Variants in USP34 observed in about 807,000 individuals in gnomAD.
The protein encoded by USP34 is ubiquitin specific peptidase 34.
Under a neutral mutation model 460.3 loss-of-function variants are expected in USP34, and 70 were observed. The ratio of observed to expected loss-of-function variants is 0.15; its 90% CI spans 0.13 to 0.19. The LOEUF (loss-of-function observed/expected upper bound fraction) is 0.19, where lower values mean the gene tolerates loss of function less well. Ranked by LOEUF, USP34 falls within the 10% of genes least tolerant of loss-of-function variation. USP34 has a pLI of 1.00. For missense variants in USP34, 3,985 were observed against 4,236.2 expected, an observed-to-expected ratio of 0.94 and a Z score of 1.65; for synonymous variants, 1,647 against 1,405.3, an observed-to-expected ratio of 1.17 and a Z score of -3.85.
intron 5 of USP34, among the ~76,000 whole-genome samples, chr2:61,390,663 T>C (rs1380322662): frequency 1.3e-5 from 2 of 152,216 alleles, no homozygotes; most frequent in Non-Finnish European, 1.5e-5. Context: ...GAAACAAATG[T>C]ATGGGCTTGA....
chr2:61,406,082 T>C lies in USP34; in HGVS notation c.178A>G (p.Asn60Asp), dbSNP rs1190998212. Residue 60 changes from asparagine (N) to aspartate (D), a missense_variant, in exon 3 of 80, where the codon AAT (asparagine) becomes GAT (aspartate). By Grantham distance (23) the Asn-to-Asp change is conservative. Coordinates refer to ENST00000398571, the MANE Select transcript of USP34 (RefSeq NM_014709.4). ...TTAATAAGTGCACACACTACTTGAT[T>C]AAAAATCTCCAAATGCTTATATTCC... is the stretch of plus-strand genomic sequence containing the variant. ...FKEYKHLEIFNQVVCALINLV... is the reference protein window; with the variant it reads ...FKEYKHLEIFDQVVCALINLV... 6.2e-7 allele frequency: 1 copy of C among 1,612,636 alleles called. No individual in the cohort carries two copies. Among genetic ancestry groups the C allele is most frequent in the East Asian group, 2.2e-5 (1 of 44,818 alleles).
chr2:61,376,884 T>G (rs551583600), intron 8 of USP34, among the ~76,000 whole-genome samples: 1 of 152,332 alleles, frequency 6.6e-6, no homozygotes, highest in South Asian at 2.1e-4. Context: ...CCTCAAGTGA[T>G]CTGCCCGCCT....
chr2:61,376,345 A>T (rs1007346300), intron 8 of USP34, among the ~76,000 whole-genome samples: 36 of 152,216 alleles, frequency 2.4e-4, no homozygotes, highest in African/African-American at 7.7e-4. Context: ...CTTTACCACC[A>T]GTCCTCAATA....
chr2:61,382,427 C>T (rs999338702), intron 6 of USP34, among the ~76,000 whole-genome samples: 4 of 152,156 alleles, frequency 2.6e-5, no homozygotes, highest in Non-Finnish European at 2.9e-5. Flanking sequence ...TTCTACAATA[C>T]GTCTTTCTAA....
At chr2:61,417,719 C>CTTTTTTTTTTTTTTT (rs201901250) in intron 2 of USP34, among the ~76,000 whole-genome samples, 1 of 130,770 alleles carries the variant, frequency 7.6e-6, no homozygotes, top group Admixed American at 8.2e-5. Context: ...ATACTAAAAT[C>CTTTTTTTTTTTTTTT]TTTTTTTTTT....
chr2:61,422,288 G>A (rs925580385), intron 1 of USP34, among the ~76,000 whole-genome samples: 1 of 152,204 alleles, frequency 6.6e-6, no homozygotes, highest in Non-Finnish European at 1.5e-5. Flanking sequence ...CCTAAAAACA[G>A]AGGGAAGAGT....
chr2:61,307,538 A>G (rs753003827), intron 27 of USP34, among the ~76,000 whole-genome samples: 1 of 152,098 alleles, frequency 6.6e-6, no homozygotes, highest in Non-Finnish European at 1.5e-5. Flanking sequence ...ATAAGAGTTT[A>G]TAAGACTTGG....
chr2:61,364,262 T>C (rs2103820139), intron 10 of USP34, among the ~76,000 whole-genome samples: 1 of 152,290 alleles, frequency 6.6e-6, no homozygotes, highest in Middle Eastern at 3.4e-3. Context: ...CTCAGGAGTC[T>C]GAGGCCAGAG....
At chr2:61,381,265 AACACAC>A (rs528571272) in intron 6 of USP34, among the ~76,000 whole-genome samples, 6 of 61,094 alleles carry the variant, frequency 9.8e-5, no homozygotes, top group Non-Finnish European at 1.9e-4. Context: ...AAAAAAATAA[AACACAC>A]ACACACACAC....
intron 43 of USP34, among the ~76,000 whole-genome samples, chr2:61,263,742 A>G (rs1288305725): frequency 6.6e-6 from 1 of 152,042 alleles, no homozygotes; most frequent in African/African-American, 2.4e-5. Flanking sequence ...TCTGCCTCCC[A>G]AAGTGCTGGG....
chr2:61,195,794 T>G (rs1474910261), intron 75 of USP34, among the ~76,000 whole-genome samples: 1 of 152,154 alleles, frequency 6.6e-6, no homozygotes, highest in Non-Finnish European at 1.5e-5. Flanking sequence ...CCCACTAACC[T>G]CTGAACTAGA....
intron 43 of USP34, among the ~76,000 whole-genome samples, chr2:61,263,480 C>G (rs1489437475): frequency 6.8e-6 from 1 of 147,518 alleles, no homozygotes; most frequent in East Asian, 2.0e-4. Flanking sequence ...TGCGCCTGGC[C>G]AAAGGCTTTT....
At chr2:61,382,267 C>A (rs1047423531) in intron 6 of USP34, among the ~76,000 whole-genome samples, 4 of 152,152 alleles carry the variant, frequency 2.6e-5, no homozygotes, top group African/African-American at 9.7e-5. Context: ...TAAATCCATA[C>A]TCCTTACAGT....
chr2:61,220,145 C>A, intron 67 of USP34, 165 bp downstream of exon 67: 2 of 467,336 alleles, frequency 4.3e-6, no homozygotes, highest in South Asian at 4.4e-5. Flanking sequence ...ACATGGTTTC[C>A]TATCCTAAAA....
chr2:61,348,747 T>C lies in USP34; in HGVS notation c.1674+9A>G, dbSNP rs1691848946. ...ATGCCTATAAAAGAAGAAAAACCTATTTTCATACCTCTGTGTCTGAAAGTC... is the reference window on the plus strand; with the variant it reads ...ATGCCTATAAAAGAAGAAAAACCTACTTTCATACCTCTGTGTCTGAAAGTC... On this transcript the variant is annotated intron_variant, in intron 14 of 79. Transcript: ENST00000398571. The C allele has an allele frequency of 1.9e-6, 3 of 1,604,060 alleles. No homozygotes were observed. Among genetic ancestry groups the C allele is most frequent in the Non-Finnish European group, 2.5e-6 (3 of 1,177,202 alleles).
chr2:61,325,893 T>A (rs1438199218), intron 20 of USP34, among the ~76,000 whole-genome samples: 1 of 152,212 alleles, frequency 6.6e-6, no homozygotes, highest in Admixed American at 6.5e-5. Context: ...TCCATAAATC[T>A]AGTTCATGAA....
In USP34 at chr2:61,469,450, G is replaced by T. The variant is rs186575146; in HGVS notation, c.43+1200C>A. On this transcript the variant is annotated intron_variant, in intron 1 of 79. Transcript: ENST00000398571. ...TCTTAAAATTCTAGGATAATTTAGG[G>T]TGACACAAATACTGGAACCTCTAGT... 3.0e-4 allele frequency among the ~76,000 whole-genome samples: 45 copies of T among 152,278 alleles called. No individual in the cohort carries two copies. The East Asian group carries it at 8.5e-3, about 29-fold the overall frequency.
intron 20 of USP34, among the ~76,000 whole-genome samples, chr2:61,327,944 C>T (rs1294644576): frequency 6.6e-6 from 1 of 152,174 alleles, no homozygotes; most frequent in African/African-American, 2.4e-5. Context: ...TCTTTGTAGC[C>T]TCCACAGACA....
rs28831081 is a variant in USP34 at position 61,442,897 on chromosome 2, G to A, written c.44-22064C>T. Among the ~76,000 whole-genome samples the A allele has an allele frequency of 5.3e-3, 361 of 67,496 alleles. 1 individual carries two copies. Among genetic ancestry groups the A allele is most frequent in the Middle Eastern group, 0.022 (3 of 134 alleles). The allele number at this position is 67,496 out of a possible 152,430, so 44.3% of individuals were successfully genotyped here. On this transcript the variant is annotated intron_variant, in intron 1 of 79. Transcript: ENST00000398571. ...AATGGATAAACAAAATGTGATGTGT[G>A]TACACACACACACACACACACACAC...
Sources: gnomAD v4.1 joint callset for allele counts (sites outside exome capture counted in the v4.1 genomes callset) on GRCh38, gnomAD v4.1.1 for gene constraint, MANE v1.5 for transcripts, NCBI Gene and HGNC (gene_info 2026-07-23, HGNC 2026-07-21) for gene names.